The following DOCK8 variants were observed in gnomAD, a reference collection of about 807,000 sequenced individuals.
DOCK8 encodes dedicator of cytokinesis 8, also known as dedicator of cytokinesis protein 8.
DOCK8 carries 141 observed loss-of-function variants against 245.6 expected under a neutral mutation model. The ratio of observed to expected loss-of-function variants is 0.57; its 90% CI spans 0.50 to 0.66. The LOEUF is 0.66. DOCK8 is among the 30% of genes least tolerant of loss of function. The pLI, the probability that DOCK8 is intolerant of heterozygous loss-of-function variation, is 0.00. For synonymous variants in DOCK8, 1,168 were observed against 970.2 expected (o/e 1.20, Z -3.79); for missense variants, 2,965 against 2,603.4 (o/e 1.14, Z -3.02).
intron 5 of DOCK8, among the ~76,000 whole-genome samples, chr9:308,414 G>A (rs2049942912): frequency 1.3e-5 from 2 of 152,180 alleles, no homozygotes; most frequent in Admixed American, 1.3e-4. Context: ...ACTCATCATG[G>A]AGAGAATCTC....
intron 1 of DOCK8, among the ~76,000 whole-genome samples, chr9:233,575 G>A (rs1487320257): frequency 7.2e-5 from 11 of 151,764 alleles, no homozygotes; most frequent in Admixed American, 3.3e-4. Context: ...ATGAATCTGG[G>A]TGCTCCTGTA....
chr9:350,478 C>T lies in DOCK8; in HGVS notation c.1679+10157C>T, dbSNP rs1194490389. On this transcript the variant is annotated intron_variant, in intron 14 of 47. Coordinates refer to ENST00000432829, the MANE Select transcript of DOCK8 (RefSeq NM_203447.4). ...TGCTGAACTAGATTCTGCCAATGTA[C>T]GTGCCGTCCAGGACACGTTCATGCC... Among the ~76,000 whole-genome samples, 7 of 152,172 alleles carry T rather than the reference C, an allele frequency of 4.6e-5. No individual in the cohort carries two copies. The East Asian group carries it at 5.8e-4, about 13-fold the overall frequency.
chr9:414,725 G>A (rs2055904504), intron 28 of DOCK8, 57 bp from the exon 29 acceptor site: 1 of 1,608,812 alleles, frequency 6.2e-7, no homozygotes, highest in Non-Finnish European at 8.5e-7. Flanking sequence ...CTGTTTAAGA[G>A]CTCTTTAGTC....
At chr9:266,574 T>TTA (rs987337882) in intron 1 of DOCK8, among the ~76,000 whole-genome samples, 1 of 152,194 alleles carries the variant, frequency 6.6e-6, no homozygotes, top group Admixed American at 6.5e-5. Context: ...GATGACTTAA[T>TTA]GCAAATGATC....
At chr9:427,367 T>C (rs1235278669) in intron 34 of DOCK8, among the ~76,000 whole-genome samples, 1 of 152,202 alleles carries the variant, frequency 6.6e-6, no homozygotes, top group African/African-American at 2.4e-5. Flanking sequence ...CACTGTCTGA[T>C]ATGGGAGCTA....
intron 36 of DOCK8, 121 bp from the exon 37 acceptor site, chr9:432,045 A>C (rs759550410): frequency 3.6e-4 from 360 of 1,005,134 alleles, no homozygotes; most frequent in Non-Finnish European, 4.8e-4. Flanking sequence ...AAGAGGAAAT[A>C]ATTAAGACGG....
chr9:333,355 A>G (rs1293376283), intron 10 of DOCK8, among the ~76,000 whole-genome samples: 3 of 152,190 alleles, frequency 2.0e-5, no homozygotes, highest in Non-Finnish European at 1.5e-5. Context: ...TAATCCCAGC[A>G]CTTTGGGAGG....
intron 4 of DOCK8, among the ~76,000 whole-genome samples, chr9:301,163 C>T (rs1459290609): frequency 6.6e-6 from 1 of 152,166 alleles, no homozygotes; most frequent in East Asian, 1.9e-4. Flanking sequence ...AGGCTTTATT[C>T]CTGGGATGCG....
At chr9:241,255 G>A (rs1418137300) in intron 1 of DOCK8, among the ~76,000 whole-genome samples, 1 of 152,046 alleles carries the variant, frequency 6.6e-6, no homozygotes, top group Non-Finnish European at 1.5e-5. Context: ...CTCCCTTTAA[G>A]TATTTGAAAC....
chr9:215,423 C>T, intron 1 of DOCK8: 1 of 1,515,854 alleles, frequency 6.6e-7, no homozygotes, highest in Non-Finnish European at 8.8e-7. Context: ...TGAGGCAAGT[C>T]TGAGCGCGGG....
At chr9:412,584 A>G (rs1464929780) in intron 28 of DOCK8, among the ~76,000 whole-genome samples, 1 of 152,162 alleles carries the variant, frequency 6.6e-6, no homozygotes, top group Non-Finnish European at 1.5e-5. Context: ...TATAAGATCA[A>G]CATACAAGAA....
At chr9:266,397 C>G (rs1390840891) in intron 1 of DOCK8, among the ~76,000 whole-genome samples, 2 of 131,294 alleles carry the variant, frequency 1.5e-5, no homozygotes, top group African/African-American at 5.5e-5. Context: ...ATGAATGAAC[C>G]AACCATTCCT....
chr9:393,307 T>TAATAGTTGGCATACC (rs149748021), intron 24 of DOCK8, among the ~76,000 whole-genome samples: 1 of 151,914 alleles, frequency 6.6e-6, no homozygotes, highest in Non-Finnish European at 1.5e-5. Context: ...AGAATCCCAA[T>TAATAGTTGGCATACC]AATAGTTGGC....
In DOCK8 at chr9:379,269, T is replaced by C. The variant is rs546122650; in HGVS notation, c.2441-502T>C. Reference sequence around the variant, plus strand: ...TGGGCCCACTGTGGGAATGACTTGATATGCAGACATTTTTAGGTTAATCTG... The same window carrying C: ...TGGGCCCACTGTGGGAATGACTTGACATGCAGACATTTTTAGGTTAATCTG... On this transcript the variant is annotated intron_variant, in intron 20 of 47. Coordinates refer to ENST00000432829, the MANE Select transcript of DOCK8 (RefSeq NM_203447.4). Among the ~76,000 whole-genome samples, 16 of 152,292 alleles carry C rather than the reference T, an allele frequency of 1.1e-4. No individual in the cohort carries two copies. In the South Asian group the frequency reaches 1.7e-3, roughly 16 times the overall value.
intron 1 of DOCK8, among the ~76,000 whole-genome samples, chr9:225,022 G>T (rs997267525): frequency 6.6e-6 from 1 of 152,132 alleles, no homozygotes; most frequent in Non-Finnish European, 1.5e-5. Context: ...CTTAGATGGG[G>T]TATCCAATTT....
At chr9:265,384 T>C (rs2048013298) in intron 1 of DOCK8, among the ~76,000 whole-genome samples, 1 of 152,250 alleles carries the variant, frequency 6.6e-6, no homozygotes, top group Non-Finnish European at 1.5e-5. Flanking sequence ...TTAATTATAC[T>C]GTGTGTTGTG....
chr9:353,830 G>A (rs2052293341), intron 14 of DOCK8, among the ~76,000 whole-genome samples: 1 of 152,106 alleles, frequency 6.6e-6, no homozygotes, highest in Admixed American at 6.5e-5. Flanking sequence ...GGTGCTTTGG[G>A]GGAAAAGGAA....
chr9:306,320 C>G (rs530971176), intron 5 of DOCK8, among the ~76,000 whole-genome samples: 6 of 152,290 alleles, frequency 3.9e-5, no homozygotes, highest in African/African-American at 1.4e-4. Flanking sequence ...CTAAATATGA[C>G]AGGCTTACTG....
chr9:227,847 G>C (rs1472489582), intron 1 of DOCK8, among the ~76,000 whole-genome samples: 2 of 152,120 alleles, frequency 1.3e-5, no homozygotes, highest in African/African-American at 4.8e-5. Flanking sequence ...CATACAAAAA[G>C]AAGAGATACG....
Sources: allele counts gnomAD v4.1 joint callset (sites outside exome capture counted in the v4.1 genomes callset), GRCh38; gene constraint gnomAD v4.1.1; transcripts MANE v1.5; gene names NCBI Gene and HGNC (gene_info 2026-07-23, HGNC 2026-07-21).